Variants in PGM5 observed in about 807,000 individuals in gnomAD.
The protein encoded by PGM5 is phosphoglucomutase 5.
PGM5 carries 23 observed loss-of-function variants against 59.2 expected under a neutral mutation model. The observed-to-expected ratio is 0.39, with a 90% CI of 0.28 to 0.55. The LOEUF (loss-of-function observed/expected upper bound fraction) is 0.55. Among genes scored for constraint, PGM5 ranks in the 20% least tolerant of loss-of-function variants. PGM5 has a pLI of 0.66. For missense variants in PGM5, 574 were observed against 748.3 expected, an observed-to-expected ratio of 0.77 and a Z score of 2.72; for synonymous variants, 214 against 286.0, an observed-to-expected ratio of 0.75 and a Z score of 2.54.
intron 9 of PGM5, among the ~76,000 whole-genome samples, chr9:68,496,134 T>C (rs79742707): frequency 0.016 from 2,377 of 152,344 alleles, 49 homozygotes; most frequent in African/African-American, 0.052. Context: ...ATAAATGCGA[T>C]TATTGGTATT....
chr9:68,519,167 A>T (rs980284829), intron 10 of PGM5, among the ~76,000 whole-genome samples: 11 of 152,246 alleles, frequency 7.2e-5, no homozygotes, highest in Non-Finnish European at 1.0e-4. Flanking sequence ...GTATCTACAC[A>T]AAAAGAAATT....
intron 6 of PGM5, among the ~76,000 whole-genome samples, chr9:68,446,906 G>C (rs1001265353): frequency 6.6e-6 from 1 of 152,138 alleles, no homozygotes; most frequent in African/African-American, 2.4e-5. Flanking sequence ...CCACTCTTTT[G>C]CTTCATAAAT....
At chr9:68,505,310 G>A (rs1824636959) in intron 10 of PGM5, among the ~76,000 whole-genome samples, 1 of 152,118 alleles carries the variant, frequency 6.6e-6, no homozygotes, top group Non-Finnish European at 1.5e-5. Flanking sequence ...TTTTTCCTCA[G>A]ATCAATCAAT....
intron 6 of PGM5, among the ~76,000 whole-genome samples, chr9:68,416,293 A>C (rs1332077709): frequency 6.6e-6 from 1 of 152,230 alleles, no homozygotes; most frequent in East Asian, 1.9e-4. Flanking sequence ...GCAGTAGTGC[A>C]TGATGATGTT....
At chr9:68,411,327 C>T (rs1352830885) in intron 6 of PGM5, among the ~76,000 whole-genome samples, 2 of 150,912 alleles carry the variant, frequency 1.3e-5, no homozygotes, top group African/African-American at 2.4e-5. Context: ...GAGTTCAAGA[C>T]CACCCTGGGC....
At chr9:68,376,861 CTTT>C (rs1407797341) in intron 1 of PGM5, among the ~76,000 whole-genome samples, 14 of 71,116 alleles carry the variant, frequency 2.0e-4, no homozygotes, top group African/African-American at 6.7e-4. Flanking sequence ...CTCTTTCTTT[CTTT>C]TTTCTTTCTC....
chr9:68,529,547 C>CTTTCCT lies in PGM5; in HGVS notation c.1615-10_1615-5dup, dbSNP rs1825047541. 1 of 1,555,358 alleles carries CTTTCCT rather than the reference C, an allele frequency of 6.4e-7. No individual in the cohort carries two copies. The highest frequency in any genetic ancestry group is 1.8e-5 in the Admixed American group (1 of 56,312). On this transcript the variant is annotated intron_variant, in intron 10 of 10. Coordinates refer to ENST00000396396, the MANE Select transcript of PGM5 (RefSeq NM_021965.4). ...GTAACTGACTTGAGTTGTTCACAGA[C>CTTTCCT]TTTCCTTTTCCTTTTGCAGGCAGTG...
chr9:68,499,110 T>C (rs1437491603), intron 9 of PGM5, 117 bp from the exon 10 acceptor site: 1 of 1,088,690 alleles, frequency 9.2e-7, no homozygotes, highest in Non-Finnish European at 1.4e-6. Flanking sequence ...ATATAAATGG[T>C]CTTGATTCTG....
intron 6 of PGM5, among the ~76,000 whole-genome samples, chr9:68,419,059 C>T (rs1823084917): frequency 6.6e-6 from 1 of 152,268 alleles, no homozygotes; most frequent in African/African-American, 2.4e-5. Context: ...TGGAAATAAA[C>T]CTCTGCTTTA....
intron 6 of PGM5, among the ~76,000 whole-genome samples, chr9:68,393,331 T>C (rs1822413500): frequency 4.7e-5 from 7 of 150,126 alleles, no homozygotes. Flanking sequence ...AAATACATAA[T>C]ATAATATACA....
At chr9:68,390,816 T>C (rs1208942618) in intron 4 of PGM5, among the ~76,000 whole-genome samples, 1 of 152,170 alleles carries the variant, frequency 6.6e-6, no homozygotes, top group Admixed American at 6.6e-5. Context: ...TGAAGCCTTA[T>C]GTGTGGTTAT....
chr9:68,407,409 A>G (rs2132035533), intron 6 of PGM5, among the ~76,000 whole-genome samples: 1 of 152,318 alleles, frequency 6.6e-6, no homozygotes, highest in East Asian at 1.9e-4. Flanking sequence ...CTGGGATTAT[A>G]GGCGTGAGCC....
At chr9:68,466,270 G>GTTTTTTTTTTT (rs35091577) in intron 7 of PGM5, 1 of 524,196 alleles carries the variant, frequency 1.9e-6, no homozygotes, top group Non-Finnish European at 2.5e-6. Flanking sequence ...GATACTGTGT[G>GTTTTTTTTTTT]TTTTTTTTTT....
intron 1 of PGM5, among the ~76,000 whole-genome samples, chr9:68,376,881 TC>T (rs1554677814): frequency 7.4e-6 from 1 of 136,018 alleles, no homozygotes; most frequent in African/African-American, 2.8e-5. Context: ...TCTCTTTCTT[TC>T]TTTTTTTCTT....
chr9:68,437,566 GACACACACACTCACACACACACAC>G lies in PGM5; in HGVS notation c.1044-27514_1044-27491del, dbSNP rs1295537521. Among the ~76,000 whole-genome samples, 3 of 149,942 alleles carry G rather than the reference GACACACACACTCACACACACACAC, an allele frequency of 2.0e-5. No homozygotes were observed. Among genetic ancestry groups the G allele is most frequent in the Non-Finnish European group, 4.4e-5 (3 of 67,798 alleles). On this transcript the variant is annotated intron_variant, in intron 6 of 10. Transcript: ENST00000396396. This position sits in a 1 kb window ranked among gnomAD's most constrained non-coding sequence, Gnocchi z 4.1. ...AGGATAGGAATCAATTTTTCAAAGG[GACACACACACTCACACACACACAC>G]ACACACACACTCTCACACATTTTAC... is the stretch of plus-strand genomic sequence containing the variant.
At chr9:68,401,060 T>C (rs1420936768) in intron 6 of PGM5, among the ~76,000 whole-genome samples, 6 of 149,818 alleles carry the variant, frequency 4.0e-5, no homozygotes, top group Non-Finnish European at 5.9e-5. Context: ...TGGTGTCTAA[T>C]GGGAAAGTGA....
At chr9:68,522,775 C>T (rs1824918593) in intron 10 of PGM5, among the ~76,000 whole-genome samples, 1 of 152,196 alleles carries the variant, frequency 6.6e-6, no homozygotes, top group Non-Finnish European at 1.5e-5. Flanking sequence ...GTATGGTTAC[C>T]ACCTCAGGCC....
At chr9:68,499,680 A>C (rs1392234527) in intron 10 of PGM5, among the ~76,000 whole-genome samples, 4 of 152,214 alleles carry the variant, frequency 2.6e-5, no homozygotes, top group African/African-American at 9.6e-5. Context: ...ATTTAGCGTT[A>C]GAGTCAAACT....
intron 1 of PGM5, among the ~76,000 whole-genome samples, chr9:68,362,923 C>T (rs1159939050): frequency 3.0e-5 from 4 of 133,834 alleles, no homozygotes; most frequent in African/African-American, 1.1e-4. Context: ...GGCTAGAGTG[C>T]AGTGGCACAA....
Sources: gnomAD v4.1 joint callset for allele counts (sites outside exome capture counted in the v4.1 genomes callset) on GRCh38, gnomAD v4.1.1 for gene constraint, Gnocchi (gnomAD v3.1) non-coding constraint, MANE v1.5 for transcripts, NCBI Gene and HGNC (gene_info 2026-07-23, HGNC 2026-07-21) for gene names.